Variants in ACTN1 observed in about 807,000 individuals in gnomAD.
The protein encoded by ACTN1 is alpha-actinin-1.
ACTN1 carries 30 observed loss-of-function variants against 119.6 expected under a neutral mutation model. The ratio of observed to expected loss-of-function variants is 0.25; its 90% confidence interval spans 0.19 to 0.34. The LOEUF is 0.34. ACTN1 is among the 10% of genes least tolerant of loss of function. ACTN1 has a pLI of 1.00. For synonymous variants in ACTN1, 429 were observed against 472.6 expected, an observed-to-expected ratio of 0.91 and a Z score of 1.20; for missense variants, 764 against 1,223.4, an observed-to-expected ratio of 0.62 and a Z score of 5.60.
At chr14:68,953,214 T>C (rs1006865520) in intron 1 of ACTN1, among the ~76,000 whole-genome samples, 9 of 152,160 alleles carry the variant, frequency 5.9e-5, no homozygotes, top group African/African-American at 9.7e-5. Flanking sequence ...AAATCCCTCT[T>C]AGGCAAACTC....
chr14:68,892,333 T>C, intron 9 of ACTN1, 50 bp from the exon 10 acceptor site: 1 of 1,561,616 alleles, frequency 6.4e-7, no homozygotes, highest in Non-Finnish European at 8.7e-7. Flanking sequence ...GGGGAGGGAG[T>C]GTGCTAGGGC....
intron 1 of ACTN1, among the ~76,000 whole-genome samples, chr14:68,926,369 G>A (rs1222629425): frequency 2.0e-5 from 3 of 152,222 alleles, no homozygotes; most frequent in Non-Finnish European, 4.4e-5. Context: ...ATGATCAGGT[G>A]AGGCAGCAAC....
chr14:68,902,949 G>A (rs1224601023), intron 7 of ACTN1, among the ~76,000 whole-genome samples: 1 of 152,156 alleles, frequency 6.6e-6, no homozygotes, highest in South Asian at 2.1e-4. Context: ...AACCCTCAAA[G>A]AAATGTCATA....
At chr14:68,894,838 C>T (rs1028074643) in intron 8 of ACTN1, among the ~76,000 whole-genome samples, 1 of 152,106 alleles carries the variant, frequency 6.6e-6, no homozygotes, top group African/African-American at 2.4e-5. Context: ...ATGAACAAGA[C>T]AAAACAGGTT....
At chr14:68,876,028 A>G (rs919568612) in intron 21 of ACTN1, among the ~76,000 whole-genome samples, 3 of 151,710 alleles carry the variant, frequency 2.0e-5, no homozygotes, top group African/African-American at 4.9e-5. Flanking sequence ...ACGGAGTCTC[A>G]CTCTGTCACC....
rs1456966699 is a variant in ACTN1, at chr14:68,880,089, T to C, written c.2153A>G (p.Glu718Gly). ...CCTGGCGATGGTGGTGAGCAGCTGC[T>C]CCCAGCCCACACGGATGTGCTGCAG... ...YTMEHIRVGW[E>G]QLLTTIARTI... The change falls in exon 18 of 22, where the codon GAG becomes GGG. Residue 718 changes from glutamate (E) to glycine (G), a missense_variant. By Grantham distance (98) the Glu-to-Gly change is moderately conservative. Transcript: ENST00000394419. The surrounding 1 kb of genome is among the most constrained non-coding windows in gnomAD (Gnocchi z 4.6). The C allele has an allele frequency of 1.2e-6, 2 of 1,614,054 alleles. No individual in the cohort carries two copies. The highest frequency in any genetic ancestry group is 1.7e-6 in the Non-Finnish European group (2 of 1,179,960).
At chr14:68,948,785 G>A (rs1313404568) in intron 1 of ACTN1, among the ~76,000 whole-genome samples, 1 of 152,126 alleles carries the variant, frequency 6.6e-6, no homozygotes, top group Admixed American at 6.5e-5. Flanking sequence ...GCCACTACCA[G>A]GCCACAAAGA....
intron 8 of ACTN1, among the ~76,000 whole-genome samples, chr14:68,898,107 C>A (rs2033008681): frequency 6.6e-6 from 1 of 152,252 alleles, no homozygotes; most frequent in Non-Finnish European, 1.5e-5. Context: ...ACTGGTCAGA[C>A]CGCAGCCACT....
intron 21 of ACTN1, among the ~76,000 whole-genome samples, chr14:68,875,626 G>C (rs1168593071): frequency 6.6e-6 from 1 of 152,198 alleles, no homozygotes; most frequent in African/African-American, 2.4e-5. Context: ...CTTCTTTTAG[G>C]AGCTTCAAGA....
rs748603128 is a variant in ACTN1, at chr14:68,925,515, C to T, written c.220+43G>A. On this transcript the variant is annotated intron_variant, in intron 2 of 21. Transcript: ENST00000394419. The surrounding 1 kb of genome is among the most constrained non-coding windows in gnomAD (Gnocchi z 4.3). ...GAGCAGATGCCAAGGTGTCAGGCAG[C>T]ACCAATAGACAGTATCTCGTCCTGG... The T allele has an allele frequency of 6.5e-6, 10 of 1,527,992 alleles. No individual in the cohort carries two copies. The African/African-American group carries it at 8.2e-5, about 13-fold the overall frequency. 94.7% of individuals were successfully genotyped at this position (1,527,992 alleles called of 1,614,324 possible). A position where few individuals can be genotyped will look rare whatever the true frequency, so the allele number is the denominator to read the frequency against.
In ACTN1 at chr14:68,874,960, A is replaced by G. The variant is rs767345293; in HGVS notation, c.2644T>C (p.Cys882Arg). 6.2e-7 allele frequency: 1 copy of G among 1,613,852 alleles called. No homozygotes were observed. The highest frequency in any genetic ancestry group is 8.5e-7 in the Non-Finnish European group (1 of 1,179,992). Reference protein sequence around the residue: ...RELPPDQAEYCIARMAPYTGP... With the variant: ...RELPPDQAEYRIARMAPYTGP... ...GTGTAGGGGGCCATCCGCGCGATGC[A>G]GTACTCAGCCTGGTCGGGTGGCAGC... Residue 882 changes from cysteine to arginine, a missense_variant, in exon 22 of 22, where the codon TGC becomes CGC. Cys to Arg is a radical substitution (Grantham distance 180). Coordinates refer to ENST00000394419, the MANE Select transcript of ACTN1 (RefSeq NM_001130004.2).
chr14:68,922,971 G>A (rs2034730097), intron 2 of ACTN1, among the ~76,000 whole-genome samples: 1 of 152,218 alleles, frequency 6.6e-6, no homozygotes, highest in Non-Finnish European at 1.5e-5. Context: ...AGGTATCCCA[G>A]CATTTCCTGT....
Position 68,890,152 on chromosome 14 carries a change from C to A in ACTN1, c.1221G>T (p.Glu407Asp). The change falls in exon 11 of 22, where the codon GAG becomes GAT. Residue 407 changes from glutamate (E) to aspartate (D), a missense_variant. Around this residue, in one of 4 missense-constraint regions of ACTN1, gnomAD observed 544 missense variants for 912.0 expected, o/e 0.60. Coordinates refer to ENST00000394419, the MANE Select transcript of ACTN1 (RefSeq NM_001130004.2). Reference protein sequence around the residue: ...EKFRQKASIHEAWTDGKEAML... With the variant: ...EKFRQKASIHDAWTDGKEAML... The stretch of plus-strand genomic sequence containing the variant: ...GGCTGGCCTCACCGTCAGTCCAGGC[C>A]TCGTGGATGGAGGCCTTCTGCCGGA... 2 of 1,613,832 alleles carry A rather than the reference C, an allele frequency of 1.2e-6. No individual in the cohort carries two copies. Among genetic ancestry groups the A allele is most frequent in the Non-Finnish European group, 1.7e-6 (2 of 1,179,886 alleles).
intron 11 of ACTN1, chr14:68,888,196 T>G (rs1483843650): frequency 2.2e-6 from 1 of 449,210 alleles, no homozygotes; most frequent in Non-Finnish European, 4.1e-6. Flanking sequence ...GGATAGATTC[T>G]TTAGACAGTC....
At chr14:68,936,837 CT>C in intron 1 of ACTN1, 1 of 595,642 alleles carries the variant, frequency 1.7e-6, no homozygotes, top group Non-Finnish European at 3.3e-6. Flanking sequence ...CTTCTGATGC[CT>C]TTAAGAGTGG....
chr14:68,968,843 C>T (rs954285246), intron 1 of ACTN1, among the ~76,000 whole-genome samples: 6 of 152,216 alleles, frequency 3.9e-5, no homozygotes, highest in African/African-American at 1.4e-4. Context: ...GTGCCTGGCC[C>T]AAAGCACAGT....
chr14:68,920,263 G>A (rs2034565125), intron 3 of ACTN1, among the ~76,000 whole-genome samples: 1 of 152,198 alleles, frequency 6.6e-6, no homozygotes. Context: ...CATTCTCACA[G>A]CCACGATGTG....
Position 68,879,883 on chromosome 14 carries a change from C to A in ACTN1, c.2280+79G>T. 1 of 1,550,206 alleles carries A rather than the reference C, an allele frequency of 6.5e-7. No individual in the cohort carries two copies. ...CCCTCCTCACTTGCATGGCAGCCCA[C>A]GTCCCGGGGAAGTGCCCTCCAGGGC... is the stretch of plus-strand genomic sequence containing the variant. On this transcript the variant is annotated intron_variant, in intron 18 of 21. Transcript: ENST00000394419. The surrounding 1 kb of genome is among the most constrained non-coding windows in gnomAD (Gnocchi z 4.9).
chr14:68,902,393 AG>A, intron 8 of ACTN1, 83 bp downstream of exon 8: 1 of 1,145,716 alleles, frequency 8.7e-7, no homozygotes, highest in Non-Finnish European at 1.3e-6. Flanking sequence ...TGTCACCAGG[AG>A]AGGTGGAGGC....
Sources: allele counts gnomAD v4.1 joint callset (sites outside exome capture counted in the v4.1 genomes callset), GRCh38; gene constraint gnomAD v4.1.1; regional missense constraint gnomAD v4.1.1; non-coding constraint Gnocchi (gnomAD v3.1); transcripts MANE v1.5; gene names NCBI Gene and HGNC (gene_info 2026-07-23, HGNC 2026-07-21).